The following RTTN variants were observed in gnomAD, a reference collection of about 807,000 sequenced individuals.
RTTN encodes the protein rotatin.
RTTN carries 182 observed loss-of-function variants against 269.2 expected under a neutral mutation model. The observed-to-expected ratio is 0.68, with a 90% CI of 0.60 to 0.76. The LOEUF is 0.76. RTTN is among the 30% of genes least tolerant of loss of function. The probability of loss-of-function intolerance (pLI) is 0.00; values close to 1 mark genes in which losing one functional copy is unlikely to be tolerated. For synonymous variants in RTTN, 1,006 were observed against 963.5 expected, an observed-to-expected ratio of 1.04 and a Z score of -0.82; for missense variants, 2,545 against 2,608.6, an observed-to-expected ratio of 0.98 and a Z score of 0.53.
chr18:70,092,058 T>C lies in RTTN; in HGVS notation c.4143+52A>G. 2.5e-6 allele frequency: 3 copies of C among 1,207,222 alleles called. No individual in the cohort carries two copies. In the South Asian group the frequency reaches 3.7e-5, roughly 15 times the overall value. The allele number at this position is 1,207,222 out of a possible 1,614,324, so 74.8% of individuals were successfully genotyped here. On this transcript the variant is annotated intron_variant, in intron 30 of 48. Coordinates refer to ENST00000640769, the MANE Select transcript of RTTN (RefSeq NM_173630.4). The stretch of plus-strand genomic sequence containing the variant: ...ATGAGCCACCGCACCTGGCCCCGTG[T>C]CATTTGTTTTTTAATCTAAACACAA...
chr18:70,121,173 T>C (rs545707639), intron 26 of RTTN, among the ~76,000 whole-genome samples: 3 of 152,286 alleles, frequency 2.0e-5, no homozygotes, highest in African/African-American at 7.2e-5. Flanking sequence ...TTTATCTTTA[T>C]AACTGCACCA....
At chr18:70,201,414 A>G (rs2061942192) in intron 4 of RTTN, among the ~76,000 whole-genome samples, 1 of 140,662 alleles carries the variant, frequency 7.1e-6, no homozygotes, top group Admixed American at 7.1e-5. Context: ...CATCCCGGCT[A>G]AAAAAAAAAC....
At chr18:70,146,590 C>G (rs1159660712) in intron 17 of RTTN, among the ~76,000 whole-genome samples, 2 of 152,198 alleles carry the variant, frequency 1.3e-5, no homozygotes, top group African/African-American at 4.8e-5. Context: ...GGCCCTCCTA[C>G]TACAGACTAG....
intron 48 of RTTN, 91 bp from the exon 49 acceptor site, chr18:70,004,327 C>T: frequency 1.3e-6 from 1 of 752,304 alleles, no homozygotes. Flanking sequence ...TACATATGAA[C>T]AGGATTTATA....
intron 44 of RTTN, among the ~76,000 whole-genome samples, chr18:70,023,558 C>T (rs1248242001): frequency 6.6e-6 from 1 of 152,170 alleles, no homozygotes; most frequent in Non-Finnish European, 1.5e-5. Flanking sequence ...CACTCAGGCT[C>T]ATTTCTCCAA....
intron 10 of RTTN, 78 bp from the exon 11 acceptor site, chr18:70,176,923 G>C (rs2061317558): frequency 9.7e-7 from 1 of 1,030,360 alleles, no homozygotes. Flanking sequence ...ATGGAGAACA[G>C]TTTAAAATAT....
intron 19 of RTTN, among the ~76,000 whole-genome samples, chr18:70,141,105 C>T (rs1422107880): frequency 2.0e-5 from 3 of 151,726 alleles, no homozygotes; most frequent in South Asian, 2.1e-4. Context: ...TTTTTTTAAC[C>T]AGGGCTTTCC....
intron 26 of RTTN, 101 bp from the exon 27 acceptor site, chr18:70,114,700 T>A: frequency 1.1e-6 from 1 of 930,472 alleles, no homozygotes; most frequent in Non-Finnish European, 1.6e-6. Flanking sequence ...AGAGCTATAT[T>A]ACCTAACTAG....
chr18:70,133,314 G>C (rs889555042), intron 23 of RTTN, among the ~76,000 whole-genome samples: 12 of 152,144 alleles, frequency 7.9e-5, no homozygotes, highest in Non-Finnish European at 2.9e-5. Context: ...GGGGCAGCTA[G>C]TACTTTTCCA....
chr18:70,095,366 A>G (rs1439812077), intron 28 of RTTN, among the ~76,000 whole-genome samples: 1 of 152,138 alleles, frequency 6.6e-6, no homozygotes, highest in Non-Finnish European at 1.5e-5. Context: ...TATTTTGCCC[A>G]TTAGTTGACG....
At chr18:70,129,170 T>A (rs975310135) in intron 23 of RTTN, 2 of 152,020 alleles carry the variant, frequency 1.3e-5, no homozygotes, top group African/African-American at 4.8e-5. Context: ...TGTTCTACCG[T>A]AAAGACACAT....
intron 35 of RTTN, chr18:70,061,550 T>C: frequency 5.9e-6 from 2 of 341,198 alleles, no homozygotes; most frequent in South Asian, 4.5e-5. Flanking sequence ...ACATATTTTA[T>C]CTACGAATTA....
intron 28 of RTTN, among the ~76,000 whole-genome samples, chr18:70,102,712 C>A (rs2145365475): frequency 6.6e-6 from 1 of 152,254 alleles, no homozygotes; most frequent in South Asian, 2.1e-4. Context: ...GCTGGTACCG[C>A]TTGTTCCTTT....
rs776129298 is a variant in RTTN at position 70,166,829 on chromosome 18, TAC to T, written c.1802+88_1802+89del. On this transcript the variant is annotated intron_variant, in intron 13 of 48. Transcript: ENST00000640769. ...AAACTAAAAAATAATAACAAAGATA[TAC>T]AGTCAGTTTCACTTTCACTGTTTCT... is the stretch of plus-strand genomic sequence containing the variant. 7.5e-4 allele frequency: 594 copies of T among 793,218 alleles called. 2 individuals are homozygous for T. Among genetic ancestry groups the T allele is most frequent in the Non-Finnish European group, 1.1e-3 (532 of 494,376 alleles). The allele number at this position is 793,218 out of a possible 1,614,324, so 49.1% of individuals were successfully genotyped here.
rs546550388 is a variant in RTTN, at chr18:70,049,365, C to A, written c.5324-1177G>T. Among the ~76,000 whole-genome samples, 12 of 152,108 alleles carry A rather than the reference C, an allele frequency of 7.9e-5. No individual in the cohort carries two copies. The South Asian group carries it at 2.5e-3, about 32-fold the overall frequency. The stretch of plus-strand genomic sequence containing the variant: ...CCCCAATAAATACAAGAAGAAAATC[C>A]CAATGTCTTAATCAGTCAATCTCTT... On this transcript the variant is annotated intron_variant, in intron 39 of 48. Coordinates refer to ENST00000640769, the MANE Select transcript of RTTN (RefSeq NM_173630.4).
At chr18:70,120,739 T>C (rs1024224991) in intron 26 of RTTN, among the ~76,000 whole-genome samples, 2 of 152,110 alleles carry the variant, frequency 1.3e-5, no homozygotes, top group African/African-American at 4.8e-5. Flanking sequence ...TAGCCAAAAT[T>C]TTTAGAATAG....
intron 34 of RTTN, among the ~76,000 whole-genome samples, chr18:70,071,952 A>G (rs1356823251): frequency 6.6e-6 from 1 of 152,210 alleles, no homozygotes; most frequent in Non-Finnish European, 1.5e-5. Context: ...AAGCTGATTA[A>G]TAAGATTTAC....
At chr18:70,153,323 T>C (rs2060589332) in intron 14 of RTTN, among the ~76,000 whole-genome samples, 1 of 151,952 alleles carries the variant, frequency 6.6e-6, no homozygotes, top group Non-Finnish European at 1.5e-5. Context: ...ACATACATAC[T>C]TTTTATGTAT....
At chr18:70,056,906 G>A (rs2057833115) in intron 37 of RTTN, among the ~76,000 whole-genome samples, 1 of 152,166 alleles carries the variant, frequency 6.6e-6, no homozygotes, top group Admixed American at 6.5e-5. Context: ...AAGGGTCTTT[G>A]TTTTATTCAC....
Sources: allele counts gnomAD v4.1 joint callset (sites outside exome capture counted in the v4.1 genomes callset), GRCh38; gene constraint gnomAD v4.1.1; transcripts MANE v1.5; gene names NCBI Gene and HGNC (gene_info 2026-07-23, HGNC 2026-07-21).